Variants in ROBO2 observed in about 807,000 individuals in gnomAD.
The protein encoded by ROBO2 is roundabout guidance receptor 2, also known as roundabout homolog 2.
ROBO2 carries 53 observed loss-of-function variants against 160.8 expected under a neutral mutation model. The ratio of observed to expected loss-of-function variants is 0.33; its 90% CI spans 0.26 to 0.41. ROBO2 has a LOEUF of 0.41. Ranked by LOEUF, ROBO2 falls within the 10% of genes least tolerant of loss-of-function variation. The pLI is 1.00. For synonymous variants in ROBO2, 664 were observed against 611.7 expected (o/e 1.09, Z -1.26); for missense variants, 1,577 against 1,722.4 (o/e 0.92, Z 1.49).
chr3:76,939,999 T>TTTTTTTTTTTA (rs2078054622), intron 2 of ROBO2, among the ~76,000 whole-genome samples: 3 of 144,558 alleles, frequency 2.1e-5, no homozygotes, highest in African/African-American at 7.5e-5. Flanking sequence ...TTTTTTTTTT[T>TTTTTTTTTTTA]GAGACGGAGT....
At chr3:76,989,317 G>A (rs1186116216) in intron 2 of ROBO2, among the ~76,000 whole-genome samples, 1 of 152,102 alleles carries the variant, frequency 6.6e-6, no homozygotes, top group Admixed American at 6.6e-5. Context: ...ATAAACTGAT[G>A]AATGAAACAG....
intron 2 of ROBO2, among the ~76,000 whole-genome samples, chr3:76,163,064 C>T (rs2072699784): frequency 6.6e-6 from 1 of 152,054 alleles, no homozygotes; most frequent in Non-Finnish European, 1.5e-5. Flanking sequence ...TCCCATTAGT[C>T]TAAAACATTT....
chr3:77,031,286 G>C (rs935089622), intron 2 of ROBO2, among the ~76,000 whole-genome samples: 1 of 151,918 alleles, frequency 6.6e-6, no homozygotes. Context: ...TCTTAGAATA[G>C]TTTGTATTTG....
intron 2 of ROBO2, among the ~76,000 whole-genome samples, chr3:77,347,270 G>A (rs1409798600): frequency 1.3e-5 from 2 of 152,020 alleles, no homozygotes; most frequent in Non-Finnish European, 2.9e-5. Context: ...GGTTCATAAA[G>A]CAAAATAGAT....
At chr3:76,528,199 T>C (rs1406582981) in intron 2 of ROBO2, among the ~76,000 whole-genome samples, 1 of 152,178 alleles carries the variant, frequency 6.6e-6, no homozygotes, top group East Asian at 1.9e-4. Flanking sequence ...TCATTTTTAC[T>C]GCACAATTAA....
chr3:77,617,577 G>T (rs2094808634), exon 22 of ROBO2: 2 of 1,614,058 alleles, frequency 1.2e-6, no homozygotes, highest in Non-Finnish European at 1.7e-6. Context: ...AGGTCTGGAA[G>T]ATGAACTGGA....
In ROBO2 at chr3:76,555,358, G is replaced by GGA. The variant is rs1201244951; in HGVS notation, c.110-542656_110-542655insGA. Among the ~76,000 whole-genome samples, 65 of 57,982 alleles carry GGA rather than the reference G, an allele frequency of 1.1e-3. 2 individuals are homozygous for GGA. The highest frequency in any genetic ancestry group is 3.2e-3 in the African/African-American group (62 of 19,278). 38.0% of individuals were successfully genotyped at this position (57,982 alleles called of 152,430 possible). ...AGGAAGAGGAGGAAGAGTAGGAAGA[G>GGA]AGAAGAAGAAGAAGAAGAAGAAGAA... On this transcript the variant is annotated intron_variant, in intron 2 of 26. Transcript: ENST00000487694.
chr3:76,403,004 A>G (rs886844277), intron 2 of ROBO2, among the ~76,000 whole-genome samples: 4 of 151,522 alleles, frequency 2.6e-5, no homozygotes, highest in Non-Finnish European at 5.9e-5. Context: ...AATTTTGGAG[A>G]CTCTGACAGA....
chr3:76,329,923 G>C (rs6783242), intron 2 of ROBO2, among the ~76,000 whole-genome samples: 1 of 151,956 alleles, frequency 6.6e-6, no homozygotes, highest in Non-Finnish European at 1.5e-5. Flanking sequence ...CTTCAGGAGC[G>C]TTTTCAAAGG....
At chr3:76,039,826 T>C (rs2067227042) in intron 2 of ROBO2, among the ~76,000 whole-genome samples, 1 of 152,056 alleles carries the variant, frequency 6.6e-6, no homozygotes, top group South Asian at 2.1e-4. Context: ...TTTATTTGCA[T>C]AGGGGATGTA....
chr3:76,662,839 T>A (rs2091883473), intron 2 of ROBO2, among the ~76,000 whole-genome samples: 2 of 152,218 alleles, frequency 1.3e-5, no homozygotes, highest in South Asian at 2.1e-4. Flanking sequence ...AGGAGTAAAC[T>A]GATATGAGCA....
chr3:77,393,622 A>G (rs1005832744), intron 2 of ROBO2, among the ~76,000 whole-genome samples: 1 of 149,416 alleles, frequency 6.7e-6, no homozygotes, highest in African/African-American at 2.4e-5. Flanking sequence ...ACATCAAACA[A>G]TGTTTAATTA....
intron 2 of ROBO2, among the ~76,000 whole-genome samples, chr3:76,801,535 AATAT>A (rs1477539814): frequency 6.6e-6 from 1 of 151,834 alleles, no homozygotes; most frequent in Non-Finnish European, 1.5e-5. Flanking sequence ...GTACCCCATA[AATAT>A]ATAAATATAA....
intron 2 of ROBO2, among the ~76,000 whole-genome samples, chr3:76,299,053 A>C (rs2107732831): frequency 6.6e-6 from 1 of 152,316 alleles, no homozygotes; most frequent in African/African-American, 2.4e-5. Flanking sequence ...TGTTAGGCCA[A>C]TATTCAGGTG....
At chr3:75,966,694 A>G (rs1421286264) in intron 2 of ROBO2, among the ~76,000 whole-genome samples, 1 of 151,678 alleles carries the variant, frequency 6.6e-6, no homozygotes, top group Non-Finnish European at 1.5e-5. Context: ...GTCAAAGCAC[A>G]ATAGCTACAC....
At chr3:76,606,462 G>T (rs904938766) in intron 2 of ROBO2, among the ~76,000 whole-genome samples, 10 of 152,110 alleles carry the variant, frequency 6.6e-5, no homozygotes, top group Admixed American at 3.9e-4. Context: ...GAAATAGATT[G>T]ATATCATCTT....
intron 2 of ROBO2, among the ~76,000 whole-genome samples, chr3:77,179,710 T>A: frequency 6.6e-6 from 1 of 152,156 alleles, no homozygotes; most frequent in Admixed American, 6.6e-5. Flanking sequence ...CCTATAAAAT[T>A]GTAATTATTT....
At chr3:76,894,515 G>T (rs767326629) in intron 2 of ROBO2, among the ~76,000 whole-genome samples, 3 of 152,084 alleles carry the variant, frequency 2.0e-5, no homozygotes, top group Non-Finnish European at 2.9e-5. Context: ...AAGGTGTGAA[G>T]CACAGGGTCT....
rs1008007712 is a variant in ROBO2 at position 76,461,028 on chromosome 3, T to G, written c.109+523426T>G. 1.8e-4 allele frequency among the ~76,000 whole-genome samples: 27 copies of G among 152,340 alleles called. 1 individual carries two copies. The highest frequency in any genetic ancestry group is 3.3e-4 in the Admixed American group (5 of 15,292). Reference sequence around the variant, plus strand: ...GTATTAGGCCATTCTTGCATTGCTATAAAGAAATACCTGAGACTGGGTAAT... The same window carrying G: ...GTATTAGGCCATTCTTGCATTGCTAGAAAGAAATACCTGAGACTGGGTAAT... On this transcript the variant is annotated intron_variant, in intron 2 of 26. Coordinates refer to the ROBO2 transcript ENST00000487694.
Sources: allele counts gnomAD v4.1 joint callset (sites outside exome capture counted in the v4.1 genomes callset), GRCh38; gene constraint gnomAD v4.1.1; transcripts MANE v1.5; gene names NCBI Gene and HGNC (gene_info 2026-07-23, HGNC 2026-07-21).